The following HS3ST4 variants were observed in gnomAD, a reference collection of about 807,000 sequenced individuals.
HS3ST4 encodes heparan sulfate-glucosamine 3-sulfotransferase 4.
Under a neutral mutation model 29.2 loss-of-function variants are expected in HS3ST4, and 17 were observed. That is an observed-to-expected ratio of 0.58 (90% confidence interval 0.40 to 0.87). HS3ST4 has a LOEUF of 0.87. HS3ST4 is among the 40% of genes least tolerant of loss of function. HS3ST4 has a pLI of 0.00. For missense variants in HS3ST4, 627 were observed against 634.5 expected, an observed-to-expected ratio of 0.99 and a Z score of 0.13; for synonymous variants, 314 against 285.7, an observed-to-expected ratio of 1.10 and a Z score of -1.00.
At chr16:25,782,986 T>A (rs1448094022) in intron 1 of HS3ST4, among the ~76,000 whole-genome samples, 1 of 152,194 alleles carries the variant, frequency 6.6e-6, no homozygotes, top group African/African-American at 2.4e-5. Flanking sequence ...GTAATCGGCA[T>A]CTTCTTTCCC....
At chr16:26,039,504 T>G (rs1458160527) in intron 1 of HS3ST4, among the ~76,000 whole-genome samples, 2 of 152,196 alleles carry the variant, frequency 1.3e-5, no homozygotes, top group Non-Finnish European at 2.9e-5. Context: ...ATGCATGAGA[T>G]GTTTTGAAAC....
chr16:25,949,401 C>T (rs1392666860), intron 1 of HS3ST4, among the ~76,000 whole-genome samples: 1 of 152,204 alleles, frequency 6.6e-6, no homozygotes, highest in South Asian at 2.1e-4. Context: ...GCTAACCATC[C>T]TTCTACTCTC....
At chr16:25,905,387 G>C (rs1011465199) in intron 1 of HS3ST4, among the ~76,000 whole-genome samples, 1 of 152,154 alleles carries the variant, frequency 6.6e-6, no homozygotes. Flanking sequence ...AAAAGAGGGG[G>C]TTCTGCATTG....
At chr16:26,028,975 A>G (rs1378335979) in intron 1 of HS3ST4, 1 of 152,344 alleles carries the variant, frequency 6.6e-6, no homozygotes, top group Non-Finnish European at 1.5e-5. Flanking sequence ...AAGCAGGGTC[A>G]GGCCTGGTTA....
intron 1 of HS3ST4, among the ~76,000 whole-genome samples, chr16:25,731,885 A>G (rs972577891): frequency 8.5e-5 from 13 of 152,250 alleles, no homozygotes; most frequent in Non-Finnish European, 1.5e-4. Context: ...TGAGACTAAT[A>G]GAAAGATTTG....
At chr16:26,063,912 T>A (rs1302401719) in intron 1 of HS3ST4, among the ~76,000 whole-genome samples, 1 of 152,154 alleles carries the variant, frequency 6.6e-6, no homozygotes, top group Non-Finnish European at 1.5e-5. Context: ...CTCCAGTAAA[T>A]TAGGACATTC....
At chr16:25,962,855 T>C (rs1346190272) in intron 1 of HS3ST4, among the ~76,000 whole-genome samples, 1 of 152,214 alleles carries the variant, frequency 6.6e-6, no homozygotes, top group Non-Finnish European at 1.5e-5. Flanking sequence ...CTCATAAGTT[T>C]ATTGTAACTA....
intron 1 of HS3ST4, among the ~76,000 whole-genome samples, chr16:26,127,615 C>T (rs1228186066): frequency 6.6e-6 from 1 of 152,194 alleles, no homozygotes; most frequent in East Asian, 1.9e-4. Flanking sequence ...GGTTAAGGAG[C>T]ATTGGCTCTG....
chr16:26,048,311 T>C (rs1318062119), intron 1 of HS3ST4, among the ~76,000 whole-genome samples: 2 of 152,210 alleles, frequency 1.3e-5, no homozygotes, highest in Admixed American at 1.3e-4. Context: ...CAGTCTATAA[T>C]AGTCTAGAGC....
intron 1 of HS3ST4, 51 bp from the exon 2 acceptor site, chr16:26,135,561 A>G (rs1567320392): frequency 2.7e-6 from 4 of 1,505,748 alleles, no homozygotes; most frequent in East Asian, 4.6e-5. Flanking sequence ...AGAAGTTCAG[A>G]TATTTCTGGA....
chr16:25,861,797 C>G (rs1325497337), intron 1 of HS3ST4, among the ~76,000 whole-genome samples: 1 of 152,134 alleles, frequency 6.6e-6, no homozygotes, highest in Admixed American at 6.6e-5. Context: ...AACAGTAGGG[C>G]TTAGTTTTGT....
intron 1 of HS3ST4, among the ~76,000 whole-genome samples, chr16:25,851,981 A>G (rs183092781): frequency 2.2e-4 from 34 of 152,356 alleles, no homozygotes; most frequent in African/African-American, 7.5e-4. Context: ...GCTCAGTAAC[A>G]GAGGTATCAT....
At chr16:26,038,289 T>C (rs62034511) in intron 1 of HS3ST4, among the ~76,000 whole-genome samples, 27,690 of 152,038 alleles carry the variant, frequency 0.18, 2,674 homozygotes, top group Middle Eastern at 0.29. Context: ...AAGGGAGAAC[T>C]CTATTCCCAA....
At chr16:25,810,082 CT>C (rs1366861611) in intron 1 of HS3ST4, among the ~76,000 whole-genome samples, 1 of 152,010 alleles carries the variant, frequency 6.6e-6, no homozygotes, top group East Asian at 1.9e-4. Context: ...GATCTTTCCT[CT>C]TTTCTAAAGT....
At chr16:26,100,426 C>T (rs891758212) in intron 1 of HS3ST4, among the ~76,000 whole-genome samples, 5 of 152,156 alleles carry the variant, frequency 3.3e-5, no homozygotes, top group African/African-American at 4.8e-5. Context: ...GTCTGCACAT[C>T]CTCAACTGCA....
At chr16:26,067,762 G>T (rs1004218126) in intron 1 of HS3ST4, among the ~76,000 whole-genome samples, 3 of 152,188 alleles carry the variant, frequency 2.0e-5, no homozygotes, top group Non-Finnish European at 4.4e-5. Flanking sequence ...GGAGGAGCTG[G>T]TGGGAGGTAA....
intron 1 of HS3ST4, among the ~76,000 whole-genome samples, chr16:26,016,647 A>G (rs951933857): frequency 6.6e-6 from 1 of 152,190 alleles, no homozygotes; most frequent in African/African-American, 2.4e-5. Flanking sequence ...TGGCAGGGGT[A>G]CCAGTGAAGA....
At position 26,113,403 on chromosome 16, in the gene HS3ST4, G is replaced by A. The variant is rs190458576; in HGVS notation, c.735-22209G>A. On this transcript the variant is annotated intron_variant, in intron 1 of 1. Coordinates refer to ENST00000331351, the MANE Select transcript of HS3ST4 (RefSeq NM_006040.3). The stretch of plus-strand genomic sequence containing the variant: ...AGAGGTTGCAGTGAGCCGAGATCAC[G>A]CCACTGCACTCCAGTCCAGGCAACA... Among the ~76,000 whole-genome samples, 9 of 146,856 alleles carry A rather than the reference G, an allele frequency of 6.1e-5. No individual in the cohort carries two copies. The East Asian group carries it at 8.0e-4, about 13-fold the overall frequency.
At chr16:25,764,445 C>T (rs1966805850) in intron 1 of HS3ST4, among the ~76,000 whole-genome samples, 1 of 152,168 alleles carries the variant, frequency 6.6e-6, no homozygotes, top group Non-Finnish European at 1.5e-5. Context: ...AGATTTGAAC[C>T]TCACCCTGTG....
Sources: allele counts gnomAD v4.1 joint callset (sites outside exome capture counted in the v4.1 genomes callset), GRCh38; gene constraint gnomAD v4.1.1; transcripts MANE v1.5; gene names NCBI Gene and HGNC (gene_info 2026-07-23, HGNC 2026-07-21).